Variants in THSD4 observed in about 807,000 individuals in gnomAD.
The protein encoded by THSD4 is thrombospondin type-1 domain-containing protein 4.
In THSD4, 69 loss-of-function variants were observed where a neutral mutation model predicts 119.0. The ratio of observed to expected loss-of-function variants is 0.58; its 90% CI spans 0.48 to 0.71. THSD4 has a LOEUF of 0.71. THSD4 is among the 30% of genes least tolerant of loss of function. The pLI, the probability that THSD4 is intolerant of heterozygous loss-of-function variation, is 0.00. For synonymous variants in THSD4, 524 were observed against 540.4 expected (o/e 0.97, Z 0.42); for missense variants, 1,393 against 1,391.1 (o/e 1.00, Z -0.02).
chr15:71,770,921 C>T (rs955381062), intron 16 of THSD4, 143 bp from the exon 17 acceptor site: 1 of 1,220,902 alleles, frequency 8.2e-7, no homozygotes, highest in Admixed American at 2.5e-5. Flanking sequence ...ATTGTTGAAG[C>T]TGGTTGATAG....
In THSD4 at chr15:71,478,856, C is replaced by A. The variant is rs2047686056; in HGVS notation, c.1152+67033C>A. On this transcript the variant is annotated intron_variant, in intron 7 of 17. Transcript: ENST00000261862. The stretch of plus-strand genomic sequence containing the variant: ...TGAGAGGTTATTCCTCTTGGGCTTC[C>A]CTAATGGGCCATTAGAAAAGGGACT... Among the ~76,000 whole-genome samples, 3 of 152,182 alleles carry A rather than the reference C, an allele frequency of 2.0e-5. No homozygotes were observed. The South Asian group carries it at 6.2e-4, about 32-fold the overall frequency.
At chr15:71,510,293 A>G (rs1022512244) in intron 7 of THSD4, among the ~76,000 whole-genome samples, 1 of 152,150 alleles carries the variant, frequency 6.6e-6, no homozygotes, top group Admixed American at 6.5e-5. Flanking sequence ...TTCATCCTTC[A>G]CTTATTTTGT....
chr15:71,130,728 A>G (rs1421222847), intron 1 of THSD4, among the ~76,000 whole-genome samples: 1 of 152,086 alleles, frequency 6.6e-6, no homozygotes. Flanking sequence ...GTCACATATT[A>G]TACACCTAAT....
At chr15:71,117,533 C>T (rs542681426) in intron 1 of THSD4, among the ~76,000 whole-genome samples, 4 of 152,256 alleles carry the variant, frequency 2.6e-5, no homozygotes, top group Admixed American at 1.3e-4. Flanking sequence ...GCTCATTCAT[C>T]GCAAAATCTC....
At chr15:71,468,770 G>A (rs2047533781) in intron 7 of THSD4, among the ~76,000 whole-genome samples, 1 of 152,154 alleles carries the variant, frequency 6.6e-6, no homozygotes, top group Non-Finnish European at 1.5e-5. Context: ...CTATTTTTAA[G>A]ATTATCTCAT....
intron 8 of THSD4, among the ~76,000 whole-genome samples, chr15:71,721,376 G>A (rs187070888): frequency 8.1e-4 from 123 of 152,248 alleles, no homozygotes; most frequent in African/African-American, 2.9e-3. Context: ...GCATGGTGAC[G>A]CCTATAGTCC....
intron 6 of THSD4, among the ~76,000 whole-genome samples, chr15:71,282,661 T>TG (rs1234117086): frequency 6.6e-6 from 1 of 151,932 alleles, no homozygotes; most frequent in African/African-American, 2.4e-5. Context: ...ACTCTGAACT[T>TG]GCTCATGTAG....
intron 6 of THSD4, among the ~76,000 whole-genome samples, chr15:71,408,678 C>T (rs1018976694): frequency 1.3e-5 from 2 of 152,048 alleles, no homozygotes; most frequent in East Asian, 3.9e-4. Flanking sequence ...ATGGCAAAAC[C>T]CCATCTCTAC....
At chr15:71,685,373 T>A (rs1206791753) in intron 8 of THSD4, among the ~76,000 whole-genome samples, 1 of 152,168 alleles carries the variant, frequency 6.6e-6, no homozygotes, top group Non-Finnish European at 1.5e-5. Flanking sequence ...TCGTTAATAT[T>A]TACAGTATTC....
At chr15:71,276,854 C>T (rs1273165028) in intron 6 of THSD4, among the ~76,000 whole-genome samples, 3 of 152,112 alleles carry the variant, frequency 2.0e-5, no homozygotes, top group Non-Finnish European at 2.9e-5. Flanking sequence ...TGTAATTTTT[C>T]AAGAGATGAC....
Position 71,595,375 on chromosome 15 carries a change from C to T in THSD4, c.1153-65155C>T, listed in dbSNP as rs541549698. Reference sequence around the variant, plus strand: ...GGGCTGGCCTTTTCCGTGCTGGTCTCATGATAGTTAATAAGTCTCATGAGA... The same window carrying T: ...GGGCTGGCCTTTTCCGTGCTGGTCTTATGATAGTTAATAAGTCTCATGAGA... On this transcript the variant is annotated intron_variant, in intron 7 of 17. Transcript: ENST00000261862. 2.0e-5 allele frequency among the ~76,000 whole-genome samples: 3 copies of T among 152,254 alleles called. No individual in the cohort carries two copies. In the East Asian group the frequency reaches 5.8e-4, roughly 29 times the overall value.
chr15:71,322,905 T>A (rs1372850894), intron 6 of THSD4, among the ~76,000 whole-genome samples: 2 of 152,024 alleles, frequency 1.3e-5, no homozygotes, highest in Admixed American at 1.3e-4. Context: ...AAGACCAACC[T>A]GGATAACATG....
intron 6 of THSD4, among the ~76,000 whole-genome samples, chr15:71,371,503 G>T (rs376796748): frequency 6.6e-6 from 1 of 152,106 alleles, no homozygotes; most frequent in Non-Finnish European, 1.5e-5. Context: ...GCATTTGCTT[G>T]TCTGTAAAGG....
chr15:71,777,625 G>T lies in THSD4; in HGVS notation c.*251G>T. 1 of 518,224 alleles carries T rather than the reference G, an allele frequency of 1.9e-6. No individual in the cohort carries two copies. The highest frequency in any genetic ancestry group is 1.9e-5 in the African/African-American group (1 of 52,386). The allele number at this position is 518,224 out of a possible 1,614,324, so 32.1% of individuals were successfully genotyped here. On this transcript the variant is annotated 3_prime_UTR_variant, in exon 18 of 18. Transcript: ENST00000261862. ...GATCCCCTCCTTGGACCTGGCATCT[G>T]CTAATGGTGCCCTTTGAAAGTCAAG...
At chr15:71,761,221 T>A (rs1239783470) in intron 15 of THSD4, among the ~76,000 whole-genome samples, 1 of 152,198 alleles carries the variant, frequency 6.6e-6, no homozygotes, top group East Asian at 1.9e-4. Flanking sequence ...TTGGAAGTTA[T>A]AAATCTTCTA....
chr15:71,322,628 T>C lies in THSD4; in HGVS notation c.1015+65913T>C, dbSNP rs373668967. 4.6e-5 allele frequency among the ~76,000 whole-genome samples: 7 copies of C among 152,208 alleles called. No homozygotes were observed. The East Asian group carries it at 5.8e-4, about 13-fold the overall frequency. On this transcript the variant is annotated intron_variant, in intron 6 of 17. Coordinates refer to ENST00000261862, the MANE Select transcript of THSD4 (RefSeq NM_024817.3). ...CTGGGTGGTTCTGGTTCAGTGTCTG[T>C]CATGGGGTTGCAGTCAGGTTGGCTG...
chr15:71,205,915 C>T lies in THSD4; in HGVS notation c.100-9120C>T, dbSNP rs530103640. ...ATGGAATTTTGTTTGCTGTTGTCGCCCAGGCTGGAGGACAATGGCACAATC... is the reference window on the plus strand; with the variant it reads ...ATGGAATTTTGTTTGCTGTTGTCGCTCAGGCTGGAGGACAATGGCACAATC... On this transcript the variant is annotated intron_variant, in intron 3 of 17. Transcript: ENST00000261862. 6.7e-5 allele frequency among the ~76,000 whole-genome samples: 10 copies of T among 149,416 alleles called. No individual in the cohort carries two copies. The East Asian group carries it at 1.8e-3, about 26-fold the overall frequency.
intron 7 of THSD4, among the ~76,000 whole-genome samples, chr15:71,417,855 C>A (rs2140512294): frequency 9.2e-6 from 1 of 108,246 alleles, no homozygotes; most frequent in Non-Finnish European, 2.0e-5. Flanking sequence ...AATATTAATT[C>A]TTCCAATCCA....
In THSD4 at chr15:71,504,753, T is replaced by G. The variant is rs149190649; in HGVS notation, c.1152+92930T>G. On this transcript the variant is annotated intron_variant, in intron 7 of 17. Transcript: ENST00000261862. ...ATTTATGAAAATTAAGAAACCAACC[T>G]TGGTACGTTACTATTAACTAAATTC... 5.9e-5 allele frequency among the ~76,000 whole-genome samples: 9 copies of G among 152,296 alleles called. No individual in the cohort carries two copies. In the East Asian group the frequency reaches 1.2e-3, roughly 20 times the overall value.
Sources: gnomAD v4.1 joint callset for allele counts (sites outside exome capture counted in the v4.1 genomes callset) on GRCh38, gnomAD v4.1.1 for gene constraint, MANE v1.5 for transcripts, NCBI Gene and HGNC (gene_info 2026-07-23, HGNC 2026-07-21) for gene names.